Variants in TMEM150C observed in about 807,000 individuals in gnomAD.
The protein encoded by TMEM150C is tentonin 3.
In TMEM150C, 10 loss-of-function variants were observed where a neutral mutation model predicts 29.9. That is an observed-to-expected ratio of 0.33 (90% CI 0.21 to 0.57). The LOEUF (loss-of-function observed/expected upper bound fraction) is 0.57. TMEM150C is among the 20% of genes least tolerant of loss of function. The pLI is 0.88. For missense variants in TMEM150C, 251 were observed against 303.6 expected (o/e 0.83, Z 1.29); for synonymous variants, 101 against 112.5 (o/e 0.90, Z 0.64).
At position 82,503,140 on chromosome 4, in the gene TMEM150C, C is replaced by A. The variant is rs765298959; in HGVS notation, c.81-28G>T. 5.4e-6 allele frequency: 8 copies of A among 1,495,102 alleles called. No individual in the cohort carries two copies. In the South Asian group the frequency reaches 7.2e-5, roughly 13 times the overall value. The allele number at this position is 1,495,102 out of a possible 1,614,324, so 92.6% of individuals were successfully genotyped here. On this transcript the variant is annotated intron_variant, in intron 2 of 7. Transcript: ENST00000449862. ...ATCAAAAAAGAATAAGTTTATAGAACAAAGAAATTGGAAAAAAGAATCATT... is the reference window on the plus strand; with the variant it reads ...ATCAAAAAAGAATAAGTTTATAGAAAAAAGAAATTGGAAAAAAGAATCATT...
intron 6 of TMEM150C, chr4:82,495,364 C>A (rs183076126): frequency 2.1e-4 from 47 of 227,006 alleles, no homozygotes; most frequent in African/African-American, 8.2e-4. Flanking sequence ...TTACTTGAAC[C>A]CGGGAGGCGG....
intron 1 of TMEM150C, among the ~76,000 whole-genome samples, chr4:82,542,066 C>T (rs1271875519): frequency 6.6e-6 from 1 of 152,102 alleles, no homozygotes; most frequent in East Asian, 1.9e-4. Context: ...AACTGGAAAG[C>T]TTATAATAAT....
At chr4:82,549,095 A>G (rs1219136179) in intron 1 of TMEM150C, among the ~76,000 whole-genome samples, 1 of 152,206 alleles carries the variant, frequency 6.6e-6, no homozygotes, top group Non-Finnish European at 1.5e-5. Flanking sequence ...AAAATCCCCA[A>G]TTCAGAGATA....
chr4:82,526,932 G>A (rs956091736), intron 1 of TMEM150C, among the ~76,000 whole-genome samples: 1 of 150,678 alleles, frequency 6.6e-6, no homozygotes, highest in Non-Finnish European at 1.5e-5. Context: ...TGTCTTCCCC[G>A]TGTAATTCTT....
intron 5 of TMEM150C, among the ~76,000 whole-genome samples, chr4:82,502,203 A>T (rs1723759419): frequency 6.6e-6 from 1 of 152,162 alleles, no homozygotes; most frequent in Admixed American, 6.5e-5. Context: ...ATGAGTACTA[A>T]AGGTTTCTTC....
chr4:82,492,927 G>A (rs1723419782), intron 6 of TMEM150C, among the ~76,000 whole-genome samples: 2 of 128,994 alleles, frequency 1.6e-5, no homozygotes, highest in Admixed American at 1.7e-4. Flanking sequence ...TTGCTTTGTT[G>A]CCCAGGCTAG....
intron 1 of TMEM150C, chr4:82,509,857 CT>C (rs1409929375): frequency 1.3e-5 from 2 of 152,170 alleles, no homozygotes; most frequent in Non-Finnish European, 2.9e-5. Flanking sequence ...ATTATTCATA[CT>C]TCTGTCATCA....
At chr4:82,505,560 A>G (rs2110070650) in intron 1 of TMEM150C, among the ~76,000 whole-genome samples, 1 of 152,354 alleles carries the variant, frequency 6.6e-6, no homozygotes, top group African/African-American at 2.4e-5. Flanking sequence ...TGTTAAAAAC[A>G]AATGGTTACT....
intron 6 of TMEM150C, chr4:82,495,238 C>A: frequency 3.7e-6 from 1 of 270,512 alleles, no homozygotes. Context: ...GTCAGGAGAT[C>A]AAGACCATCC....
intron 6 of TMEM150C, chr4:82,491,248 CT>C: frequency 1.5e-6 from 1 of 680,164 alleles, no homozygotes. Flanking sequence ...GGGACGTCCT[CT>C]TTGCAGGCAG....
intron 1 of TMEM150C, among the ~76,000 whole-genome samples, chr4:82,523,430 G>C (rs1233986350): frequency 6.6e-6 from 1 of 152,134 alleles, no homozygotes; most frequent in Non-Finnish European, 1.5e-5. Context: ...CAAATGCATT[G>C]CCATGATGTT....
intron 1 of TMEM150C, among the ~76,000 whole-genome samples, chr4:82,509,462 T>C (rs1448076321): frequency 1.3e-5 from 2 of 152,170 alleles, no homozygotes; most frequent in South Asian, 2.1e-4. Context: ...TTTAAGACTC[T>C]TAACTCCTTT....
chr4:82,517,808 A>G (rs921574674), intron 1 of TMEM150C, among the ~76,000 whole-genome samples: 1 of 152,182 alleles, frequency 6.6e-6, no homozygotes. Context: ...AATTCTCATA[A>G]TAAATCTCCT....
At chr4:82,548,715 G>A (rs1457020573) in intron 1 of TMEM150C, among the ~76,000 whole-genome samples, 3 of 152,226 alleles carry the variant, frequency 2.0e-5, no homozygotes, top group Admixed American at 6.5e-5. Context: ...GCTCCAAAGA[G>A]AGGAAACTAA....
intron 1 of TMEM150C, among the ~76,000 whole-genome samples, chr4:82,512,745 T>C (rs1271046493): frequency 6.6e-6 from 1 of 152,236 alleles, no homozygotes; most frequent in Non-Finnish European, 1.5e-5. Context: ...ATATAATTAA[T>C]GCCACTGAAT....
rs141285837 is a variant in TMEM150C at position 82,521,884 on chromosome 4, G to T, written c.-10-17217C>A. Among the ~76,000 whole-genome samples the T allele has an allele frequency of 3.3e-5, 5 of 152,186 alleles. No homozygotes were observed. In the East Asian group the frequency reaches 9.7e-4, roughly 30 times the overall value. On this transcript the variant is annotated intron_variant, in intron 1 of 7. Transcript: ENST00000449862. ...ACTGACTTATTAGTGATAAAGTGAA[G>T]GTGGTGCTTAGAGGATGAAATTTGC...
chr4:82,510,339 G>C (rs114149152), intron 1 of TMEM150C, among the ~76,000 whole-genome samples: 2,449 of 152,194 alleles, frequency 0.016, 83 homozygotes, highest in African/African-American at 0.055. Flanking sequence ...TGACTGTGAA[G>C]TGTCATTGTA....
chr4:82,493,779 T>G (rs1723450249), intron 6 of TMEM150C, among the ~76,000 whole-genome samples: 1 of 152,244 alleles, frequency 6.6e-6, no homozygotes, highest in East Asian at 1.9e-4. Flanking sequence ...CCTTACATTT[T>G]GGATCTTAAC....
chr4:82,485,810 G>T, intron 7 of TMEM150C, 91 bp from the exon 8 acceptor site: 2 of 1,216,568 alleles, frequency 1.6e-6, no homozygotes, highest in Non-Finnish European at 2.3e-6. Context: ...GAAAAGTCTG[G>T]CTTTCCTCAT....
Sources: allele counts gnomAD v4.1 joint callset (sites outside exome capture counted in the v4.1 genomes callset), GRCh38; gene constraint gnomAD v4.1.1; transcripts MANE v1.5; gene names NCBI Gene and HGNC (gene_info 2026-07-23, HGNC 2026-07-21).